Variants in SMYD4 observed in about 807,000 individuals in gnomAD.
SMYD4 encodes SET and MYND domain containing 4.
A neutral mutation model predicts 72.8 loss-of-function variants in SMYD4; 68 were observed. That is an observed-to-expected ratio of 0.93 (90% CI 0.77 to 1.14). The LOEUF (loss-of-function observed/expected upper bound fraction) is 1.14. Ranked by LOEUF, SMYD4 falls within the 50% of genes most tolerant of loss-of-function variation. The probability of loss-of-function intolerance (pLI) is 0.00; values close to 1 mark genes in which losing one functional copy is unlikely to be tolerated. For missense variants in SMYD4, 984 were observed against 1,003.7 expected, an observed-to-expected ratio of 0.98 and a Z score of 0.27; for synonymous variants, 407 against 388.6, an observed-to-expected ratio of 1.05 and a Z score of -0.56.
At chr17:1,799,255 C>G (rs1240724640) in intron 5 of SMYD4, among the ~76,000 whole-genome samples, 2 of 148,516 alleles carry the variant, frequency 1.3e-5, no homozygotes, top group East Asian at 4.0e-4. Context: ...AGTGAGACTC[C>G]GTCTCAAAAA....
intron 2 of SMYD4, among the ~76,000 whole-genome samples, chr17:1,824,535 G>A (rs901548529): frequency 6.6e-6 from 1 of 152,088 alleles, no homozygotes; most frequent in Non-Finnish European, 1.5e-5. Context: ...CCTGATGGGA[G>A]GTAACAGAAT....
At chr17:1,785,776 G>GA (rs1333271491) in intron 7 of SMYD4, among the ~76,000 whole-genome samples, 62 of 13,872 alleles carry the variant, frequency 4.5e-3, no homozygotes, top group East Asian at 8.1e-3. Context: ...AAAAAAAAAA[G>GA]AAAAAAAAAA....
At chr17:1,792,091 T>C (rs1190326218) in intron 5 of SMYD4, among the ~76,000 whole-genome samples, 1 of 150,336 alleles carries the variant, frequency 6.7e-6, no homozygotes, top group African/African-American at 2.4e-5. Context: ...CAGGCTGGAG[T>C]GAGTGCAGGG....
intron 5 of SMYD4, among the ~76,000 whole-genome samples, chr17:1,789,764 C>CCAAAATAAAAAA (rs71150816): frequency 1.1e-5 from 1 of 90,098 alleles, no homozygotes. Context: ...GACTCTGTCT[C>CCAAAATAAAAAA]AAAAAAAAAA....
intron 2 of SMYD4, among the ~76,000 whole-genome samples, chr17:1,825,888 C>T (rs928132676): frequency 2.6e-5 from 4 of 151,762 alleles, no homozygotes; most frequent in African/African-American, 9.7e-5. Context: ...ATCGCTTGAG[C>T]CCAGGAGCTT....
chr17:1,800,422 C>T lies in SMYD4; in HGVS notation c.972G>A (p.Gln324=). ...TCCTGTGGTAGAGCTCCCAGGCCTGCTGCAAACACTCCTGGCTGCAATACT... is the reference window on the plus strand; with the variant it reads ...TCCTGTGGTAGAGCTCCCAGGCCTGTTGCAAACACTCCTGGCTGCAATACT... ...YAKYCSQECL[Q]QAWELYHRTE... is the part of the protein sequence containing the mutation. Residue 324 remains glutamine, a synonymous_variant, in exon 5 of 11, where the codon CAG becomes CAA. Transcript: ENST00000305513. The T allele has an allele frequency of 6.2e-7, 1 of 1,614,202 alleles. No individual in the cohort carries two copies. The highest frequency in any genetic ancestry group is 8.5e-7 in the Non-Finnish European group (1 of 1,180,042).
chr17:1,794,099 A>G (rs28636678), intron 5 of SMYD4, among the ~76,000 whole-genome samples: 4 of 11,848 alleles, frequency 3.4e-4, no homozygotes, highest in South Asian at 2.0e-3. Context: ...ATATATATAT[A>G]TATATATTTT....
intron 7 of SMYD4, 27 bp downstream of exon 7, chr17:1,786,783 A>T: frequency 6.2e-7 from 1 of 1,613,122 alleles, no homozygotes; most frequent in African/African-American, 1.3e-5. Flanking sequence ...CTCCAGGAAA[A>T]GTGGAGGAGA....
intron 5 of SMYD4, among the ~76,000 whole-genome samples, chr17:1,794,497 C>T (rs979868109): frequency 8.6e-6 from 1 of 116,098 alleles, no homozygotes; most frequent in African/African-American, 3.5e-5. Context: ...CTTTTAATTA[C>T]CTAAATTTGA....
Position 1,800,284 on chromosome 17 carries a change from A to G in SMYD4, c.1110T>C (p.Leu370=). ...FEDVRKIITK[L]CDKISNKDIC... is the part of the protein sequence containing the mutation. ...TGTCCTTGTTACTAATCTTATCACAAAGCTTCGTTATGATTTTGCGAACAT... is the reference window on the plus strand; with the variant it reads ...TGTCCTTGTTACTAATCTTATCACAGAGCTTCGTTATGATTTTGCGAACAT... The change falls in exon 5 of 11, where the codon CTT becomes CTC. Residue 370 remains leucine (L), a synonymous_variant. Transcript: ENST00000305513. The G allele has an allele frequency of 1.2e-6, 2 of 1,614,074 alleles. No individual in the cohort carries two copies. Among genetic ancestry groups the G allele is most frequent in the Non-Finnish European group, 1.7e-6 (2 of 1,180,016 alleles).
intron 4 of SMYD4, among the ~76,000 whole-genome samples, chr17:1,802,985 C>G (rs1909845258): frequency 6.6e-6 from 1 of 152,114 alleles, no homozygotes; most frequent in Non-Finnish European, 1.5e-5. Context: ...AACGCCATCT[C>G]TACTTAAAAT....
At chr17:1,785,031 C>T (rs1908582285) in intron 7 of SMYD4, among the ~76,000 whole-genome samples, 2 of 149,646 alleles carry the variant, frequency 1.3e-5, no homozygotes, top group African/African-American at 4.9e-5. Flanking sequence ...TCATGATCCG[C>T]TCGCCTCAGC....
chr17:1,810,254 G>C (rs1555579108), intron 3 of SMYD4, among the ~76,000 whole-genome samples: 11 of 152,006 alleles, frequency 7.2e-5, no homozygotes, highest in Non-Finnish European at 7.4e-5. Context: ...GGAAATAGAA[G>C]TTTCTTGAAG....
intron 4 of SMYD4, among the ~76,000 whole-genome samples, chr17:1,802,388 T>C (rs1450100081): frequency 5.9e-5 from 9 of 151,880 alleles, no homozygotes; most frequent in African/African-American, 2.2e-4. Flanking sequence ...TAGCTACTCA[T>C]GAGACTAAAG....
At chr17:1,783,646 TTC>T (rs1908499082) in intron 8 of SMYD4, 170 bp from the exon 9 acceptor site, 2 of 1,237,666 alleles carry the variant, frequency 1.6e-6, no homozygotes, top group East Asian at 2.6e-5. Flanking sequence ...TGCTGTTTTC[TTC>T]TGTTTTCTCT....
At chr17:1,827,249 C>T (rs909425476) in intron 2 of SMYD4, among the ~76,000 whole-genome samples, 4 of 150,604 alleles carry the variant, frequency 2.7e-5, no homozygotes, top group South Asian at 2.1e-4. Context: ...AGCTGAGATA[C>T]GAGAATTGCC....
At chr17:1,828,282 C>T (rs1911309337) in intron 1 of SMYD4, among the ~76,000 whole-genome samples, 1 of 148,582 alleles carries the variant, frequency 6.7e-6, no homozygotes, top group Non-Finnish European at 1.5e-5. Flanking sequence ...ACTGGGGAGG[C>T]GGAGGTTGCA....
At chr17:1,793,750 AT>A (rs1909185372) in intron 5 of SMYD4, among the ~76,000 whole-genome samples, 1 of 151,812 alleles carries the variant, frequency 6.6e-6, no homozygotes, top group South Asian at 2.1e-4. Flanking sequence ...TCTGAGGCTT[AT>A]CCAGTCTCAT....
chr17:1,795,900 C>T (rs886801982), intron 5 of SMYD4, among the ~76,000 whole-genome samples: 4 of 152,010 alleles, frequency 2.6e-5, no homozygotes, highest in African/African-American at 9.7e-5. Context: ...TAGCAATCAC[C>T]TGTATTTCCA....
Sources: allele counts gnomAD v4.1 joint callset (sites outside exome capture counted in the v4.1 genomes callset), GRCh38; gene constraint gnomAD v4.1.1; transcripts MANE v1.5; gene names NCBI Gene and HGNC (gene_info 2026-07-23, HGNC 2026-07-21).